Variants in RBM47 observed in about 807,000 individuals in gnomAD.
RBM47 encodes RNA binding motif protein 47, also known as RNA-binding protein 47.
In RBM47, 21 loss-of-function variants were observed where a neutral mutation model predicts 47.1. The ratio of observed to expected loss-of-function variants is 0.45; its 90% confidence interval spans 0.32 to 0.64. The LOEUF is 0.64. RBM47 is among the 30% of genes least tolerant of loss of function. RBM47 has a pLI of 0.05. For missense variants in RBM47, 708 were observed against 870.9 expected (o/e 0.81, Z 2.35); for synonymous variants, 375 against 361.7 (o/e 1.04, Z -0.42).
intron 2 of RBM47, among the ~76,000 whole-genome samples, chr4:40,469,941 T>C (rs148940910): frequency 6.6e-6 from 1 of 152,280 alleles, no homozygotes; most frequent in African/African-American, 2.4e-5. Flanking sequence ...GGCCAGAATA[T>C]TTAATATTGT....
At chr4:40,594,862 T>C (rs1734610755) in intron 1 of RBM47, among the ~76,000 whole-genome samples, 3 of 152,302 alleles carry the variant, frequency 2.0e-5, no homozygotes, top group Admixed American at 1.3e-4. Flanking sequence ...TCATTTTCTA[T>C]GGTTTATTAT....
At chr4:40,561,227 CTTTT>C (rs1176318537) in intron 1 of RBM47, among the ~76,000 whole-genome samples, 2 of 113,644 alleles carry the variant, frequency 1.8e-5, no homozygotes, top group Non-Finnish European at 1.8e-5. Context: ...TTTCCATTGT[CTTTT>C]TTTTTTTTTT....
intron 1 of RBM47, among the ~76,000 whole-genome samples, chr4:40,605,491 G>A (rs1735678356): frequency 6.6e-6 from 1 of 152,130 alleles, no homozygotes. Flanking sequence ...ATGAGTGGAG[G>A]CATTTCATTT....
chr4:40,437,086 A>ATATAT (rs1445157694), intron 4 of RBM47, among the ~76,000 whole-genome samples: 3 of 58,042 alleles, frequency 5.2e-5, no homozygotes, highest in African/African-American at 3.0e-4. Flanking sequence ...AAAAAAAAAA[A>ATATAT]AAAAATATAT....
chr4:40,538,774 C>T (rs1259868925), intron 2 of RBM47, among the ~76,000 whole-genome samples: 1 of 152,040 alleles, frequency 6.6e-6, no homozygotes, highest in Non-Finnish European at 1.5e-5. Context: ...GCTGACATTA[C>T]AGATGTGCAC....
At chr4:40,541,492 T>C (rs1235716020) in intron 2 of RBM47, among the ~76,000 whole-genome samples, 4 of 152,020 alleles carry the variant, frequency 2.6e-5, no homozygotes, top group Non-Finnish European at 5.9e-5. Flanking sequence ...ATCCCAGCAC[T>C]TTGGGCGGCA....
At chr4:40,515,276 A>T (rs924566670) in intron 2 of RBM47, among the ~76,000 whole-genome samples, 7 of 152,162 alleles carry the variant, frequency 4.6e-5, no homozygotes, top group Non-Finnish European at 1.0e-4. Context: ...CCCAGGGATG[A>T]TCTATCTGCC....
At chr4:40,590,044 G>A (rs1465506427) in intron 1 of RBM47, among the ~76,000 whole-genome samples, 1 of 152,108 alleles carries the variant, frequency 6.6e-6, no homozygotes. Flanking sequence ...TGGGGGCTAT[G>A]ATGAATTGAG....
At chr4:40,553,083 T>C (rs1399935642) in intron 1 of RBM47, among the ~76,000 whole-genome samples, 1 of 149,502 alleles carries the variant, frequency 6.7e-6, no homozygotes, top group African/African-American at 2.5e-5. Flanking sequence ...TTCTCCTGCC[T>C]CAGCCTCCCG....
intron 1 of RBM47, among the ~76,000 whole-genome samples, chr4:40,603,124 G>A (rs1396868394): frequency 6.6e-6 from 1 of 152,092 alleles, no homozygotes; most frequent in Admixed American, 6.6e-5. Flanking sequence ...TATAGTCATC[G>A]CCCACCAAAG....
At chr4:40,545,331 G>C (rs968434998) in intron 1 of RBM47, among the ~76,000 whole-genome samples, 46 of 148,960 alleles carry the variant, frequency 3.1e-4, no homozygotes, top group African/African-American at 1.1e-3. Flanking sequence ...GATTACAGGC[G>C]TGAGCCACGG....
At chr4:40,456,571 C>CTTTTTTTTTTTTTTTTTTTTTTTTTTTT (rs34320480) in intron 3 of RBM47, among the ~76,000 whole-genome samples, 1 of 112,576 alleles carries the variant, frequency 8.9e-6, no homozygotes, top group South Asian at 2.7e-4. Flanking sequence ...TTTCTTTTTT[C>CTTTTTTTTTTTTTTTTTTTTTTTTTTTT]TTTTTTTTTT....
At chr4:40,490,577 A>G (rs914953611) in intron 2 of RBM47, among the ~76,000 whole-genome samples, 2 of 152,130 alleles carry the variant, frequency 1.3e-5, no homozygotes, top group African/African-American at 4.8e-5. Context: ...ACTACAAAAC[A>G]TTGTTCAAAG....
At chr4:40,444,731 C>T (rs1301334476) in intron 3 of RBM47, among the ~76,000 whole-genome samples, 1 of 150,440 alleles carries the variant, frequency 6.6e-6, no homozygotes, top group Non-Finnish European at 1.5e-5. Flanking sequence ...GTGGTATGAT[C>T]TTGGCTCACT....
intron 1 of RBM47, among the ~76,000 whole-genome samples, chr4:40,572,513 T>A (rs1731829910): frequency 6.6e-6 from 1 of 152,022 alleles, no homozygotes; most frequent in Admixed American, 6.6e-5. Flanking sequence ...GTGTATTTAC[T>A]TGCATAGCAT....
At chr4:40,522,316 CCAACATGGT>C (rs1376922704) in intron 2 of RBM47, among the ~76,000 whole-genome samples, 2 of 152,148 alleles carry the variant, frequency 1.3e-5, no homozygotes, top group East Asian at 3.8e-4. Flanking sequence ...ACCAGCCTTT[CCAACATGGT>C]GAAGCCCTGT....
chr4:40,423,390 C>G lies in RBM47; in HGVS notation c.*2514G>C, dbSNP rs188233593. 2 of 151,776 alleles carry G rather than the reference C, an allele frequency of 1.3e-5. No individual in the cohort carries two copies. The highest frequency in any genetic ancestry group is 1.3e-4 in the Admixed American group (2 of 15,264). The allele number at this position is 151,776 out of a possible 1,614,324, so 9.4% of individuals were successfully genotyped here. A position where few individuals can be genotyped will look rare whatever the true frequency, so the allele number is the denominator to read the frequency against. ...ATAAAGCAGCTAAAGTTAACTAAAC[C>G]ACTAGCAATGTTTGAAAACAGAACT... is the stretch of plus-strand genomic sequence containing the variant. On this transcript the variant is annotated 3_prime_UTR_variant, in exon 7 of 7. Transcript: ENST00000295971.
chr4:40,485,959 T>G (rs115149914), intron 2 of RBM47, among the ~76,000 whole-genome samples: 2,441 of 149,234 alleles, frequency 0.016, 58 homozygotes, highest in African/African-American at 0.057. Flanking sequence ...TAGTCCCAAC[T>G]ACTTGGGGGT....
intron 3 of RBM47, among the ~76,000 whole-genome samples, chr4:40,439,382 A>G (rs1424584336): frequency 1.3e-5 from 2 of 152,232 alleles, no homozygotes; most frequent in African/African-American, 4.8e-5. Context: ...GTAGGAATGG[A>G]AATACAGTGA....
Sources: allele counts gnomAD v4.1 joint callset (sites outside exome capture counted in the v4.1 genomes callset), GRCh38; gene constraint gnomAD v4.1.1; transcripts MANE v1.5; gene names NCBI Gene and HGNC (gene_info 2026-07-23, HGNC 2026-07-21).